Variants in STARD5 observed in about 807,000 individuals in gnomAD.
STARD5 encodes the protein StAR related lipid transfer domain containing 5.
Under a neutral mutation model 24.6 loss-of-function variants are expected in STARD5, and 26 were observed. The ratio of observed to expected loss-of-function variants is 1.06; its 90% CI spans 0.77 to 1.47. STARD5 has a LOEUF of 1.47. STARD5 is among the 40% of genes most tolerant of loss of function. The pLI is 0.00. For missense variants in STARD5, 254 were observed against 270.8 expected, an observed-to-expected ratio of 0.94 and a Z score of 0.44; for synonymous variants, 101 against 99.7, an observed-to-expected ratio of 1.01 and a Z score of -0.07.
intron 2 of STARD5, 33 bp from the exon 3 acceptor site, chr15:81,322,573 A>G (rs1363553137): frequency 1.2e-6 from 2 of 1,613,774 alleles, no homozygotes; most frequent in East Asian, 4.5e-5. Context: ...ACCCCAACGC[A>G]TCAATCAAAC....
At chr15:81,318,013 G>A (rs745817793) in intron 5 of STARD5, among the ~76,000 whole-genome samples, 2 of 152,134 alleles carry the variant, frequency 1.3e-5, no homozygotes, top group African/African-American at 4.8e-5. Flanking sequence ...CCTGCCTGGC[G>A]GAGGGTATTC....
At chr15:81,318,199 C>A (rs774117452) in intron 5 of STARD5, among the ~76,000 whole-genome samples, 51 of 152,194 alleles carry the variant, frequency 3.4e-4, no homozygotes, top group Non-Finnish European at 6.6e-4. Context: ...TAACGCCTCC[C>A]CTCAATTCTT....
rs922003657 is a variant in STARD5 at position 81,313,466 on chromosome 15, G to C, written c.495-63C>G. On this transcript the variant is annotated intron_variant, in intron 5 of 5. Coordinates refer to ENST00000302824, the MANE Select transcript of STARD5 (RefSeq NM_181900.3). ...GCAGAGGTGCTGGGGACGAGCGCCA[G>C]GCAGGTGAGCAGAGCCCAGCCCAGT... is the stretch of plus-strand genomic sequence containing the variant. 1.2e-4 allele frequency: 178 copies of C among 1,429,036 alleles called. 1 individual carries two copies. The South Asian group carries it at 1.8e-3, about 15-fold the overall frequency. 88.5% of individuals were successfully genotyped at this position (1,429,036 alleles called of 1,614,324 possible). A position where few individuals can be genotyped will look rare whatever the true frequency, so the allele number is the denominator to read the frequency against.
At chr15:81,319,217 G>T in intron 4 of STARD5, 122 bp downstream of exon 4, 2 of 870,322 alleles carry the variant, frequency 2.3e-6, no homozygotes, top group Non-Finnish European at 1.9e-6. Context: ...TGAGGTAGGG[G>T]ACTCAGAGTG....
Position 81,318,479 on chromosome 15 carries a change from A to G in STARD5, c.424T>C (p.Cys142Arg), listed in dbSNP as rs1901127889. 2 of 1,614,124 alleles carry G rather than the reference A, an allele frequency of 1.2e-6. No individual in the cohort carries two copies. Among genetic ancestry groups the G allele is most frequent in the South Asian group, 1.1e-5 (1 of 91,082 alleles). ...CTCACAAAACCTGGCTTCGGGGGAC[A>G]TAACGGATGCTCCACATGGGTGGCT... ...SNATHVEHPLCPPKPGFVRGF... is the reference protein window; with the variant it reads ...SNATHVEHPLRPPKPGFVRGF... The change falls in exon 5 of 6, where the codon TGT becomes CGT. Residue 142 changes from cysteine to arginine, a missense_variant. By Grantham distance (180) the Cys-to-Arg change is radical. Coordinates refer to ENST00000302824, the MANE Select transcript of STARD5 (RefSeq NM_181900.3).
Position 81,311,661 on chromosome 15 carries a change from G to A in STARD5, c.*1595C>T, listed in dbSNP as rs1230818595. 3 of 152,278 alleles carry A rather than the reference G, an allele frequency of 2.0e-5. No individual in the cohort carries two copies. Among genetic ancestry groups the A allele is most frequent in the African/African-American group, 4.8e-5 (2 of 41,452 alleles). 9.4% of individuals were successfully genotyped at this position (152,278 alleles called of 1,614,324 possible). Reference sequence around the variant, plus strand: ...AGAGTATGGAGCTCAGAGAGGGCAGGCATGAAGTTTCCTTGGCTGGTGCAC... The same window carrying A: ...AGAGTATGGAGCTCAGAGAGGGCAGACATGAAGTTTCCTTGGCTGGTGCAC... On this transcript the variant is annotated 3_prime_UTR_variant, in exon 6 of 6. Transcript: ENST00000302824.
At position 81,319,229 on chromosome 15, in the gene STARD5, G is replaced by A. The variant is rs115800887; in HGVS notation, c.400+110C>T. ...AGATGAGGTAGGGGACTCAGAGTGT[G>A]AGTTTCTGGTGATTTCTGGTTGCTT... On this transcript the variant is annotated intron_variant, in intron 4 of 5. Coordinates refer to ENST00000302824, the MANE Select transcript of STARD5 (RefSeq NM_181900.3). 651 of 986,724 alleles carry A rather than the reference G, an allele frequency of 6.6e-4. 3 individuals are homozygous for A. In the African/African-American group the frequency reaches 9.5e-3, roughly 14 times the overall value. The allele number at this position is 986,724 out of a possible 1,614,324, so 61.1% of individuals were successfully genotyped here. A position where few individuals can be genotyped will look rare whatever the true frequency, so the allele number is the denominator to read the frequency against.
At chr15:81,321,952 T>C (rs1272796808) in intron 3 of STARD5, among the ~76,000 whole-genome samples, 2 of 152,246 alleles carry the variant, frequency 1.3e-5, no homozygotes, top group African/African-American at 4.8e-5. Flanking sequence ...GTAAACTAAA[T>C]GTTATTAATA....
In STARD5 at chr15:81,316,310, G is replaced by A. The variant is rs527521767; in HGVS notation, c.494+2099C>T. ...TACTTACTAGCACATCCACGAGATA[G>A]AACTACTTACATTTGTGTTTTGTCT... On this transcript the variant is annotated intron_variant, in intron 5 of 5. Transcript: ENST00000302824. Among the ~76,000 whole-genome samples the A allele has an allele frequency of 4.6e-5, 7 of 152,322 alleles. 1 individual carries two copies. In the South Asian group the frequency reaches 1.4e-3, roughly 32 times the overall value.
At chr15:81,313,730 G>A (rs1900991317) in intron 5 of STARD5, 1 of 182,618 alleles carries the variant, frequency 5.5e-6, no homozygotes. Context: ...CAGGCCCTGA[G>A]AGGAACGAAG....
intron 5 of STARD5, among the ~76,000 whole-genome samples, chr15:81,314,810 T>TGGGAGGCGGAGGTTGCA (rs899077693): frequency 3.6e-5 from 5 of 139,758 alleles, no homozygotes; most frequent in African/African-American, 1.3e-4. Context: ...CGCTTGAACC[T>TGGGAGGCGGAGGTTGCA]GGGAGGCGGA....
intron 5 of STARD5, among the ~76,000 whole-genome samples, chr15:81,316,828 T>C (rs1256206375): frequency 6.6e-6 from 1 of 151,990 alleles, no homozygotes; most frequent in African/African-American, 2.4e-5. Flanking sequence ...TGGAGAGGAG[T>C]TGGAAGAGTC....
intron 3 of STARD5, among the ~76,000 whole-genome samples, chr15:81,320,694 A>G (rs1901177525): frequency 6.6e-6 from 1 of 152,188 alleles, no homozygotes; most frequent in African/African-American, 2.4e-5. Context: ...CAATTTTGCC[A>G]TTTCTAAATT....
chr15:81,318,281 A>C, intron 5 of STARD5, 128 bp downstream of exon 5: 2 of 739,716 alleles, frequency 2.7e-6, no homozygotes, highest in Non-Finnish European at 4.7e-6. Flanking sequence ...TATCGTCACA[A>C]TCTAAAGAGC....
Position 81,317,276 on chromosome 15 carries a change from A to G in STARD5, c.494+1133T>C, listed in dbSNP as rs201914486. Among the ~76,000 whole-genome samples, 2 of 149,642 alleles carry G rather than the reference A, an allele frequency of 1.3e-5. 1 individual carries two copies. The highest frequency in any genetic ancestry group is 4.3e-4 in the South Asian group (2 of 4,692). On this transcript the variant is annotated intron_variant, in intron 5 of 5. Transcript: ENST00000302824. ...TGCTACCCATTATATTGTGCATTCC[A>G]CCAAAAAGAAGACAGCAATGGGATT... is the stretch of plus-strand genomic sequence containing the variant.
Position 81,310,642 on chromosome 15 carries a change from A to C in STARD5, c.*2614T>G, listed in dbSNP as rs1263661092. ...TGGGCAAGGAGGCCACGTGATGTGG[A>C]GGGCACATTCCTTGCCTGCACAAAC... is the stretch of plus-strand genomic sequence containing the variant. On this transcript the variant is annotated 3_prime_UTR_variant, in exon 6 of 6. Coordinates refer to ENST00000302824, the MANE Select transcript of STARD5 (RefSeq NM_181900.3). 6.6e-6 allele frequency: 1 copy of C among 152,232 alleles called. No individual in the cohort carries two copies. Among genetic ancestry groups the C allele is most frequent in the Non-Finnish European group, 1.5e-5 (1 of 68,048 alleles). 9.4% of individuals were successfully genotyped at this position (152,232 alleles called of 1,614,324 possible). A position where few individuals can be genotyped will look rare whatever the true frequency, so the allele number is the denominator to read the frequency against.
intron 5 of STARD5, 43 bp downstream of exon 5, chr15:81,318,366 T>G: frequency 6.4e-7 from 1 of 1,563,098 alleles, no homozygotes; most frequent in Non-Finnish European, 8.8e-7. Flanking sequence ...GAAGTCACAG[T>G]TAGGTCTGAG....
In STARD5 at chr15:81,311,711, A is replaced by C. The variant is rs988147234; in HGVS notation, c.*1545T>G. 12 of 152,230 alleles carry C rather than the reference A, an allele frequency of 7.9e-5. No individual in the cohort carries two copies. Among genetic ancestry groups the C allele is most frequent in the African/African-American group, 2.9e-4 (12 of 41,444 alleles). 9.4% of individuals were successfully genotyped at this position (152,230 alleles called of 1,614,324 possible). On this transcript the variant is annotated 3_prime_UTR_variant, in exon 6 of 6. Transcript: ENST00000302824. ...CCTAGAATTGGCTGAACTCATGAGA[A>C]GTTGATATAGAACAGTGCTTGCCAC... is the stretch of plus-strand genomic sequence containing the variant.
chr15:81,318,787 T>C (rs1270835858), intron 4 of STARD5, among the ~76,000 whole-genome samples: 1 of 152,122 alleles, frequency 6.6e-6, no homozygotes, highest in Non-Finnish European at 1.5e-5. Flanking sequence ...TGCACATAGC[T>C]TTCCCAAGCT....
Sources: allele counts gnomAD v4.1 joint callset (sites outside exome capture counted in the v4.1 genomes callset), GRCh38; gene constraint gnomAD v4.1.1; transcripts MANE v1.5; gene names NCBI Gene and HGNC (gene_info 2026-07-23, HGNC 2026-07-21).